The following IQSEC1 variants were observed in gnomAD, a reference collection of about 807,000 sequenced individuals.
IQSEC1 encodes IQ motif and SEC7 domain-containing protein 1.
Under a neutral mutation model 91.0 loss-of-function variants are expected in IQSEC1, and 31 were observed. The observed-to-expected ratio is 0.34, with a 90% CI of 0.26 to 0.46. The LOEUF is 0.46. IQSEC1 is among the 20% of genes least tolerant of loss of function. The pLI, the probability that IQSEC1 is intolerant of heterozygous loss-of-function variation, is 1.00. For synonymous variants in IQSEC1, 699 were observed against 662.6 expected, an observed-to-expected ratio of 1.05 and a Z score of -0.84; for missense variants, 1,388 against 1,575.6, an observed-to-expected ratio of 0.88 and a Z score of 2.02.
At chr3:13,177,674 C>A (rs1693761452) in intron 1 of IQSEC1, among the ~76,000 whole-genome samples, 1 of 152,168 alleles carries the variant, frequency 6.6e-6, no homozygotes, top group Admixed American at 6.5e-5. Context: ...TGATGTGGGT[C>A]CCCCGCCGGG....
At chr3:13,170,725 C>T (rs75487565) in intron 1 of IQSEC1, among the ~76,000 whole-genome samples, 13,401 of 152,216 alleles carry the variant, frequency 0.088, 860 homozygotes, top group African/African-American at 0.18. Flanking sequence ...ATAAGAGACA[C>T]GGCAGCCAGC....
intron 1 of IQSEC1, among the ~76,000 whole-genome samples, chr3:12,966,735 AGTG>A (rs932018384): frequency 6.6e-6 from 1 of 152,212 alleles, no homozygotes; most frequent in Non-Finnish European, 1.5e-5. Flanking sequence ...CACACACCCC[AGTG>A]CACCCCCAAG....
rs1452098605 is a variant in IQSEC1, at chr3:12,967,901, A to AG, written c.24-26037dup. Among the ~76,000 whole-genome samples, 35 of 4,616 alleles carry AG rather than the reference A, an allele frequency of 7.6e-3. No homozygotes were observed. Among genetic ancestry groups the AG allele is most frequent in the African/African-American group, 0.011 (8 of 742 alleles). The allele number at this position is 4,616 out of a possible 152,430, so 3.0% of individuals were successfully genotyped here. On this transcript the variant is annotated intron_variant, in intron 1 of 13. Transcript: ENST00000613206. The surrounding 1 kb of genome is among the most constrained non-coding windows in gnomAD (Gnocchi z 5.9). ...GAAGAAGCACAGGGGGCGGGGGGTC[A>AG]GGGGCGGGGCGTCAGGGGCGGGGCT...
At chr3:13,272,223 C>T (rs1695600803) in intron 1 of IQSEC1, among the ~76,000 whole-genome samples, 1 of 152,248 alleles carries the variant, frequency 6.6e-6, no homozygotes, top group African/African-American at 2.4e-5. Context: ...TGCCTCAGTT[C>T]CCCCATATAT....
intron 1 of IQSEC1, among the ~76,000 whole-genome samples, chr3:13,195,767 G>A (rs994359904): frequency 1.3e-5 from 2 of 152,172 alleles, no homozygotes; most frequent in Admixed American, 6.5e-5. Flanking sequence ...GCATCTTGAC[G>A]GTGGTGGTGG....
At chr3:13,073,551 G>C (rs968164616), upstream of IQSEC1, among the ~76,000 whole-genome samples, 1 of 151,764 alleles carries the variant, frequency 6.6e-6, no homozygotes, top group African/African-American at 2.4e-5. Flanking sequence ...CATCAGGCGC[G>C]GCCGCTCGGC....
chr3:12,956,764 T>C lies in IQSEC1; in HGVS notation c.24-14899A>G, dbSNP rs1433067976. Reference sequence around the variant, plus strand: ...TCCCTGGGGAGTGTGGGGGGAGCTCTACGTGCAATCGGGAGACCAGGTCTC... The same window carrying C: ...TCCCTGGGGAGTGTGGGGGGAGCTCCACGTGCAATCGGGAGACCAGGTCTC... On this transcript the variant is annotated intron_variant, in intron 1 of 13. Coordinates refer to ENST00000613206, the MANE Select transcript of IQSEC1 (RefSeq NM_001134382.3). Among the ~76,000 whole-genome samples the C allele has an allele frequency of 2.0e-5, 3 of 152,192 alleles. No homozygotes were observed. In the East Asian group the frequency reaches 5.8e-4, roughly 29 times the overall value.
rs1700829321 is a variant in IQSEC1, at chr3:12,970,294, G to T, written c.24-28429C>A. Among the ~76,000 whole-genome samples the T allele has an allele frequency of 6.6e-6, 1 of 152,186 alleles. No homozygotes were observed. Among genetic ancestry groups the T allele is most frequent in the Non-Finnish European group, 1.5e-5 (1 of 68,036 alleles). ...AGGCTCTAATGGGGGGACATTTTGG[G>T]TTGGACCTTGAGGGATGAGGAGGGC... On this transcript the variant is annotated intron_variant, in intron 1 of 13. Coordinates refer to ENST00000613206, the MANE Select transcript of IQSEC1 (RefSeq NM_001134382.3). The surrounding 1 kb of genome is among the most constrained non-coding windows in gnomAD (Gnocchi z 4.4).
At chr3:12,959,015 G>A (rs1700085815) in intron 1 of IQSEC1, among the ~76,000 whole-genome samples, 1 of 152,214 alleles carries the variant, frequency 6.6e-6, no homozygotes, top group Non-Finnish European at 1.5e-5. Flanking sequence ...AGCCAATTTG[G>A]GGAGAGGGAG....
At chr3:12,930,093 CG>C (rs1559635440) in intron 3 of IQSEC1, among the ~76,000 whole-genome samples, 2 of 152,202 alleles carry the variant, frequency 1.3e-5, no homozygotes, top group African/African-American at 4.8e-5. Context: ...GTGGATTGCA[CG>C]TGGGGAACAC....
chr3:13,062,345 T>C (rs902590907), intron 1 of IQSEC1, among the ~76,000 whole-genome samples: 1 of 152,194 alleles, frequency 6.6e-6, no homozygotes, highest in Non-Finnish European at 1.5e-5. Context: ...CAGGCCTTAT[T>C]ACCTCATTCT....
intron 1 of IQSEC1, among the ~76,000 whole-genome samples, chr3:12,946,200 C>A (rs1022728640): frequency 6.6e-6 from 1 of 152,218 alleles, no homozygotes; most frequent in African/African-American, 2.4e-5. Context: ...ATCCCTGCCC[C>A]GACCTCTTGA....
intron 1 of IQSEC1, among the ~76,000 whole-genome samples, chr3:13,020,081 T>C (rs2124965430): frequency 6.6e-6 from 1 of 152,312 alleles, no homozygotes; most frequent in East Asian, 1.9e-4. Context: ...CAACAAGCCC[T>C]GAGGTTTCCA....
At chr3:13,182,741 G>A (rs1002218325) in intron 1 of IQSEC1, among the ~76,000 whole-genome samples, 2 of 152,118 alleles carry the variant, frequency 1.3e-5, no homozygotes, top group African/African-American at 4.8e-5. Context: ...AAAATATTTT[G>A]AATTAAATGA....
chr3:12,933,105 C>A (rs751732723), intron 3 of IQSEC1, among the ~76,000 whole-genome samples: 1 of 152,320 alleles, frequency 6.6e-6, no homozygotes, highest in East Asian at 1.9e-4. Flanking sequence ...TGCTGGAGGC[C>A]GGGCAAAGGC....
At chr3:13,069,035 C>T (rs899248700) in intron 1 of IQSEC1, among the ~76,000 whole-genome samples, 6 of 152,236 alleles carry the variant, frequency 3.9e-5, no homozygotes, top group Non-Finnish European at 8.8e-5. Context: ...GCCTTGGCTG[C>T]ATATCCCAGT....
At chr3:13,172,574 G>A (rs904735043) in intron 1 of IQSEC1, among the ~76,000 whole-genome samples, 5 of 152,128 alleles carry the variant, frequency 3.3e-5, no homozygotes, top group African/African-American at 1.2e-4. Flanking sequence ...AGAATAACAG[G>A]GGTCATGACC....
chr3:12,957,268 T>C (rs895702184), intron 1 of IQSEC1, among the ~76,000 whole-genome samples: 1 of 152,210 alleles, frequency 6.6e-6, no homozygotes, highest in Non-Finnish European at 1.5e-5. Context: ...CCTTCTCCCC[T>C]TGTTCCTTTA....
chr3:13,188,767 T>G (rs1228955981), intron 1 of IQSEC1, among the ~76,000 whole-genome samples: 2 of 152,088 alleles, frequency 1.3e-5, no homozygotes, highest in East Asian at 3.9e-4. Context: ...GCCAAGAGGC[T>G]CCACAGGAAA....
Sources: gnomAD v4.1 joint callset for allele counts (sites outside exome capture counted in the v4.1 genomes callset) on GRCh38, gnomAD v4.1.1 for gene constraint, Gnocchi (gnomAD v3.1) non-coding constraint, MANE v1.5 for transcripts, NCBI Gene and HGNC (gene_info 2026-07-23, HGNC 2026-07-21) for gene names.